The following PPP2R5A variants were observed in gnomAD, a reference collection of about 807,000 sequenced individuals.
PPP2R5A encodes the protein protein phosphatase 2 regulatory subunit B'alpha.
PPP2R5A carries 25 observed loss-of-function variants against 64.2 expected under a neutral mutation model. The observed-to-expected ratio is 0.39, with a 90% confidence interval of 0.28 to 0.54. The LOEUF (loss-of-function observed/expected upper bound fraction) is 0.54, where lower values mean the gene tolerates loss of function less well. Ranked by LOEUF, PPP2R5A falls within the 20% of genes least tolerant of loss-of-function variation. PPP2R5A has a pLI of 0.67. For missense variants in PPP2R5A, 425 were observed against 576.3 expected (o/e 0.74, Z 2.69); for synonymous variants, 198 against 201.2 (o/e 0.98, Z 0.13).
chr1:212,336,197 C>G (rs1468037183), intron 3 of PPP2R5A, among the ~76,000 whole-genome samples: 1 of 152,124 alleles, frequency 6.6e-6, no homozygotes, highest in Non-Finnish European at 1.5e-5. Flanking sequence ...TCACTGCAAC[C>G]TCCACCTCCC....
chr1:212,344,610 C>G (rs1387054997), intron 4 of PPP2R5A, among the ~76,000 whole-genome samples: 2 of 152,128 alleles, frequency 1.3e-5, no homozygotes, highest in African/African-American at 4.8e-5. Context: ...GATACTTGTA[C>G]TCTAGAGAGA....
At chr1:212,338,238 C>G (rs1434462244) in intron 3 of PPP2R5A, among the ~76,000 whole-genome samples, 2 of 152,204 alleles carry the variant, frequency 1.3e-5, no homozygotes, top group African/African-American at 4.8e-5. Flanking sequence ...ATGGTCAGAA[C>G]TCAGTAGAAT....
intron 1 of PPP2R5A, among the ~76,000 whole-genome samples, chr1:212,317,395 C>CACCTTACATTCTAGGTGGTTTAAATCT: frequency 1.3e-4 from 1 of 7,570 alleles, no homozygotes; most frequent in Non-Finnish European, 2.6e-4. Flanking sequence ...ATTCTCATAC[C>CACCTTACATTCTAGGTGGTTTAAATCT]CAGCTTCAGT....
At chr1:212,354,313 G>T (rs547394538) in intron 8 of PPP2R5A, among the ~76,000 whole-genome samples, 2 of 151,466 alleles carry the variant, frequency 1.3e-5, no homozygotes, top group African/African-American at 4.8e-5. Context: ...AGCCTAGGGG[G>T]TTGCAGTGAA....
chr1:212,326,686 A>G (rs1042154758), intron 1 of PPP2R5A, among the ~76,000 whole-genome samples: 2 of 152,216 alleles, frequency 1.3e-5, no homozygotes, highest in Non-Finnish European at 2.9e-5. Flanking sequence ...CTGAATGCCA[A>G]TCTTAGGCTT....
chr1:212,293,896 C>T (rs1438409737), intron 1 of PPP2R5A, among the ~76,000 whole-genome samples: 1 of 152,122 alleles, frequency 6.6e-6, no homozygotes, highest in African/African-American at 2.4e-5. Flanking sequence ...GAATTGATTT[C>T]ACTCTTGTTA....
chr1:212,316,570 T>A (rs1305523397), intron 1 of PPP2R5A, among the ~76,000 whole-genome samples: 2 of 145,360 alleles, frequency 1.4e-5, no homozygotes, highest in Non-Finnish European at 3.0e-5. Context: ...CCATGGATAT[T>A]TAACCTTTGT....
At chr1:212,308,322 T>A (rs567480488) in intron 1 of PPP2R5A, among the ~76,000 whole-genome samples, 1 of 152,240 alleles carries the variant, frequency 6.6e-6, no homozygotes, top group Non-Finnish European at 1.5e-5. Context: ...ATTTTTACTG[T>A]GATGTTTATT....
intron 1 of PPP2R5A, among the ~76,000 whole-genome samples, chr1:212,322,376 G>C (rs1247897780): frequency 1.3e-5 from 2 of 152,104 alleles, no homozygotes; most frequent in Non-Finnish European, 1.5e-5. Context: ...TATATTTTCT[G>C]CTCTTTTTTC....
At chr1:212,309,464 C>T in intron 1 of PPP2R5A, 1 of 899,862 alleles carries the variant, frequency 1.1e-6, no homozygotes, top group Non-Finnish European at 1.9e-6. Flanking sequence ...AAAGCCTTCG[C>T]TTTGTCTTCG....
chr1:212,349,277 G>A, intron 8 of PPP2R5A, 35 bp downstream of exon 8: 1 of 1,451,804 alleles, frequency 6.9e-7, no homozygotes, highest in Non-Finnish European at 9.4e-7. Context: ...TTTTTGGTCT[G>A]CATTAATAGC....
Position 212,329,163 on chromosome 1 carries a change from T to C in PPP2R5A, c.210T>C (p.Leu70=), listed in dbSNP as rs1304145192. 2.6e-6 allele frequency: 4 copies of C among 1,540,742 alleles called. No individual in the cohort carries two copies. The highest frequency in any genetic ancestry group is 1.4e-5 in the African/African-American group (1 of 72,138). ...CCACTTCAAATGAACAACAAGAGCT[T>C]TTCTGTCAGAAGTTGCAGCAGTGTT... The part of the protein sequence containing the change: ...KDATSNEQQE[L]FCQKLQQCCI... Residue 70 remains leucine (L), a synonymous_variant, in exon 2 of 13, where the codon CTT becomes CTC. Coordinates refer to ENST00000261461, the MANE Select transcript of PPP2R5A (RefSeq NM_006243.4).
chr1:212,295,378 TA>T (rs1299899693), intron 1 of PPP2R5A, among the ~76,000 whole-genome samples: 1 of 152,232 alleles, frequency 6.6e-6, no homozygotes, highest in Non-Finnish European at 1.5e-5. Context: ...GAGGAGAAGA[TA>T]ATGGTTCTTT....
At chr1:212,352,951 C>T (rs779809437) in intron 8 of PPP2R5A, 16 of 517,852 alleles carry the variant, frequency 3.1e-5, no homozygotes, top group Non-Finnish European at 5.8e-5. Flanking sequence ...AAATACCATT[C>T]CATTGGGAGG....
chr1:212,314,712 C>T (rs1160769819), intron 1 of PPP2R5A, among the ~76,000 whole-genome samples: 1 of 151,978 alleles, frequency 6.6e-6, no homozygotes, highest in Non-Finnish European at 1.5e-5. Flanking sequence ...CACGTGCCAC[C>T]ATGCCTGGCT....
At chr1:212,307,945 A>T (rs1658952387) in intron 1 of PPP2R5A, among the ~76,000 whole-genome samples, 1 of 152,004 alleles carries the variant, frequency 6.6e-6, no homozygotes, top group Admixed American at 6.6e-5. Context: ...CCTGAGCTCA[A>T]GTTATCTTCT....
chr1:212,321,342 G>C (rs1165406103), intron 1 of PPP2R5A, among the ~76,000 whole-genome samples: 1 of 150,898 alleles, frequency 6.6e-6, no homozygotes, highest in African/African-American at 2.4e-5. Context: ...CTCCCTTCCG[G>C]ACGGGGCGGC....
chr1:212,286,239 G>A lies in PPP2R5A; in HGVS notation c.129G>A (p.Gln43=). Reference sequence around the variant, plus strand: ...AGAAGCGCTCCCAGGGCTCGTCGCAGTTTCGCAGCCAGGGCAGCCAGGCAG... The same window carrying A: ...AGAAGCGCTCCCAGGGCTCGTCGCAATTTCGCAGCCAGGGCAGCCAGGCAG... ...QRQKRSQGSS[Q]FRSQGSQAEL... is the part of the protein sequence containing the mutation. The change falls in exon 1 of 13, where the codon CAG becomes CAA. Residue 43 remains glutamine (Q), a synonymous_variant. Coordinates refer to ENST00000261461, the MANE Select transcript of PPP2R5A (RefSeq NM_006243.4). The A allele has an allele frequency of 6.4e-7, 1 of 1,558,908 alleles. No individual in the cohort carries two copies. Among genetic ancestry groups the A allele is most frequent in the African/African-American group, 1.4e-5 (1 of 72,312 alleles).
At chr1:212,316,587 CTTTTTTTTTTTTTTTTTTTTTT>C (rs751228809) in intron 1 of PPP2R5A, among the ~76,000 whole-genome samples, 1 of 36,670 alleles carries the variant, frequency 2.7e-5, no homozygotes, top group African/African-American at 8.1e-5. Flanking sequence ...TTGTGGGTGA[CTTTTTTTTTTTTTTTTTTTTTT>C]TTTTAATCTG....
Sources: allele counts gnomAD v4.1 joint callset (sites outside exome capture counted in the v4.1 genomes callset), GRCh38; gene constraint gnomAD v4.1.1; transcripts MANE v1.5; gene names NCBI Gene and HGNC (gene_info 2026-07-23, HGNC 2026-07-21).